The following ZNF618 variants were observed in gnomAD, a reference collection of about 807,000 sequenced individuals.
ZNF618 encodes neural precursor cell expressed, developmentally down-regulated 10.
ZNF618 carries 34 observed loss-of-function variants against 103.0 expected under a neutral mutation model. That is an observed-to-expected ratio of 0.33 (90% CI 0.25 to 0.44). The LOEUF is 0.44. Among genes scored for constraint, ZNF618 ranks in the 20% least tolerant of loss-of-function variants. The pLI is 1.00. For missense variants in ZNF618, 1,059 were observed against 1,295.4 expected (o/e 0.82, Z 2.80); for synonymous variants, 551 against 542.2 (o/e 1.02, Z -0.23).
At chr9:113,953,284 G>A (rs1172036058) in intron 1 of ZNF618, among the ~76,000 whole-genome samples, 1 of 152,312 alleles carries the variant, frequency 6.6e-6, no homozygotes, top group Non-Finnish European at 1.5e-5. Flanking sequence ...GCAGGTCTTT[G>A]TAGAGTCACA....
Position 114,028,753 on chromosome 9 carries a change from C to T in ZNF618, c.865C>T (p.Pro289Ser). The T allele has an allele frequency of 6.4e-7, 1 of 1,550,392 alleles. No individual in the cohort carries two copies. The highest frequency in any genetic ancestry group is 8.7e-7 in the Non-Finnish European group (1 of 1,146,952). Reference sequence around the variant, plus strand: ...CTCAGGTACTGCCCCCGGGTGGGAGCCACCGGATGATCCAGACACGGGCTC... The same window carrying T: ...CTCAGGTACTGCCCCCGGGTGGGAGTCACCGGATGATCCAGACACGGGCTC... ...APISTAPGWE[P>S]PDDPDTGSEC... The change falls in exon 11 of 15, where the codon CCA becomes TCA. Residue 289 changes from proline to serine, a missense_variant. This residue lies in a region of ZNF618 where 434 missense variants were observed against 476.0 expected (regional missense o/e 0.91). Transcript: ENST00000374126.
intron 2 of ZNF618, among the ~76,000 whole-genome samples, chr9:113,985,465 A>G (rs1368153909): frequency 2.0e-5 from 3 of 152,178 alleles, no homozygotes; most frequent in Non-Finnish European, 2.9e-5. Flanking sequence ...GCCTCACAGA[A>G]CTTGAGACTT....
At chr9:113,899,722 C>G (rs7041034) in intron 1 of ZNF618, among the ~76,000 whole-genome samples, 33,767 of 152,142 alleles carry the variant, frequency 0.22, 4,053 homozygotes, top group Non-Finnish European at 0.27. Flanking sequence ...AGTGGACTTA[C>G]ACAGCATTTG....
rs777445503 is a variant in ZNF618, at chr9:114,050,438, A to ACACG, written c.*275_*278dup. The ACACG allele has an allele frequency of 3.8e-5, 13 of 341,456 alleles. No individual in the cohort carries two copies. The highest frequency in any genetic ancestry group is 2.4e-4 in the African/African-American group (9 of 37,738). 21.2% of individuals were successfully genotyped at this position (341,456 alleles called of 1,614,324 possible). A position where few individuals can be genotyped will look rare whatever the true frequency, so the allele number is the denominator to read the frequency against. On this transcript the variant is annotated 3_prime_UTR_variant, in exon 15 of 15. Transcript: ENST00000374126. ...CTCCATGGCCAGAGAAACTTTGCAC[A>ACACG]CACGCACACACACACACACACACAC...
chr9:113,926,149 G>GTT (rs202041982), intron 1 of ZNF618, among the ~76,000 whole-genome samples: 6 of 132,552 alleles, frequency 4.5e-5, no homozygotes, highest in Non-Finnish European at 8.3e-5. Context: ...CTAGGTTGGT[G>GTT]TTGTTTTTTT....
At chr9:113,936,350 A>T (rs871807) in intron 1 of ZNF618, among the ~76,000 whole-genome samples, 1 of 152,252 alleles carries the variant, frequency 6.6e-6, no homozygotes, top group East Asian at 1.9e-4. Flanking sequence ...AAATAAAATA[A>T]GTAAAGTGCC....
At chr9:114,032,829 G>A (rs1844220258) in intron 12 of ZNF618, 101 bp downstream of exon 12, 2 of 1,023,368 alleles carry the variant, frequency 2.0e-6, no homozygotes, top group African/African-American at 1.6e-5. Context: ...GGTCTTTGTG[G>A]TGCATTATGG....
At chr9:113,927,432 C>T (rs1180949134) in intron 1 of ZNF618, among the ~76,000 whole-genome samples, 12 of 152,180 alleles carry the variant, frequency 7.9e-5, no homozygotes, top group Admixed American at 5.2e-4. Context: ...CAGCTGTGAT[C>T]CCATTAGCAT....
Position 114,050,965 on chromosome 9 carries a change from A to G in ZNF618, c.*798A>G, listed in dbSNP as rs1401821273. Reference sequence around the variant, plus strand: ...AATCAGGAAAGGAGACTTAAAGAGTATAAAGCTGACATTTTGCTTTTTAAT... The same window carrying G: ...AATCAGGAAAGGAGACTTAAAGAGTGTAAAGCTGACATTTTGCTTTTTAAT... On this transcript the variant is annotated 3_prime_UTR_variant, in exon 15 of 15. Coordinates refer to ENST00000374126, the MANE Select transcript of ZNF618 (RefSeq NM_001318042.2). 6.6e-6 allele frequency: 1 copy of G among 152,666 alleles called. No homozygotes were observed. The highest frequency in any genetic ancestry group is 1.9e-4 in the East Asian group (1 of 5,196). 9.5% of individuals were successfully genotyped at this position (152,666 alleles called of 1,614,324 possible).
intron 1 of ZNF618, among the ~76,000 whole-genome samples, chr9:113,944,287 AT>A (rs1007898425): frequency 4.6e-5 from 7 of 151,860 alleles, no homozygotes; most frequent in African/African-American, 1.4e-4. Flanking sequence ...AATTCTTTCT[AT>A]TTTTTTTGAG....
At chr9:113,886,739 T>C (rs1458516257) in intron 1 of ZNF618, among the ~76,000 whole-genome samples, 1 of 152,010 alleles carries the variant, frequency 6.6e-6, no homozygotes, top group East Asian at 1.9e-4. Flanking sequence ...GGGTAACAGA[T>C]AGCATCTAAG....
intron 1 of ZNF618, among the ~76,000 whole-genome samples, chr9:113,937,973 ATCTGTTCT>A (rs1834174291): frequency 1.3e-5 from 2 of 152,130 alleles, no homozygotes; most frequent in South Asian, 4.1e-4. Flanking sequence ...GGCTCTAAAA[ATCTGTTCT>A]TCTACATGAG....
chr9:113,893,201 G>A (rs2131063720), intron 1 of ZNF618, among the ~76,000 whole-genome samples: 1 of 152,310 alleles, frequency 6.6e-6, no homozygotes, highest in African/African-American at 2.4e-5. Flanking sequence ...AAGTAGCAGA[G>A]CAGAGATTGG....
At chr9:113,885,842 G>A (rs1366822945) in intron 1 of ZNF618, among the ~76,000 whole-genome samples, 1 of 152,214 alleles carries the variant, frequency 6.6e-6, no homozygotes, top group Non-Finnish European at 1.5e-5. Flanking sequence ...CTGAGGTGAG[G>A]ATGGTATTGA....
intron 1 of ZNF618, among the ~76,000 whole-genome samples, chr9:113,914,842 C>T (rs1831918534): frequency 6.6e-6 from 1 of 152,148 alleles, no homozygotes; most frequent in Admixed American, 6.5e-5. Context: ...GTTTTGACAA[C>T]TTGGATGTAA....
At chr9:113,898,835 G>A (rs898920241) in intron 1 of ZNF618, among the ~76,000 whole-genome samples, 1 of 152,214 alleles carries the variant, frequency 6.6e-6, no homozygotes, top group African/African-American at 2.4e-5. Flanking sequence ...CCTTTGGCTT[G>A]GTGAAGCTGC....
chr9:114,032,640 C>T lies in ZNF618; in HGVS notation c.1085-5C>T. ...TTTTCTTTCTCTCTCCTGTCCCCCA[C>T]CCAGCAGAAAGCGCTTTCAGTCGGA... On this transcript the variant is annotated splice_region_variant and splice_polypyrimidine_tract_variant and intron_variant, in intron 11 of 14. Coordinates refer to ENST00000374126, the MANE Select transcript of ZNF618 (RefSeq NM_001318042.2). The T allele has an allele frequency of 6.2e-7, 1 of 1,613,826 alleles. No individual in the cohort carries two copies. The highest frequency in any genetic ancestry group is 1.6e-4 in the Middle Eastern group (1 of 6,062).
chr9:114,044,178 G>A (rs925763821), intron 13 of ZNF618, among the ~76,000 whole-genome samples: 2 of 152,092 alleles, frequency 1.3e-5, no homozygotes, highest in African/African-American at 4.8e-5. Flanking sequence ...ATGGTTTCAG[G>A]CCTTAGATTT....
chr9:113,893,835 A>G (rs775578969), intron 1 of ZNF618, among the ~76,000 whole-genome samples: 18 of 152,082 alleles, frequency 1.2e-4, no homozygotes, highest in Non-Finnish European at 2.4e-4. Flanking sequence ...GGTTAAGGGT[A>G]CATATTAGTT....
Sources: gnomAD v4.1 joint callset for allele counts (sites outside exome capture counted in the v4.1 genomes callset) on GRCh38, gnomAD v4.1.1 for gene constraint, gnomAD v4.1.1 regional missense constraint, MANE v1.5 for transcripts, NCBI Gene and HGNC (gene_info 2026-07-23, HGNC 2026-07-21) for gene names.